CNTN4: variants seen among roughly 807,000 people sequenced by gnomAD.
CNTN4 encodes the protein contactin 4.
CNTN4 carries 77 observed loss-of-function variants against 122.5 expected under a neutral mutation model. The ratio of observed to expected loss-of-function variants is 0.63; its 90% CI spans 0.52 to 0.76. The LOEUF (loss-of-function observed/expected upper bound fraction) is 0.76, where lower values mean the gene tolerates loss of function less well. Among genes scored for constraint, CNTN4 ranks in the 30% least tolerant of loss-of-function variants. The pLI, the probability that CNTN4 is intolerant of heterozygous loss-of-function variation, is 0.00. For synonymous variants in CNTN4, 512 were observed against 447.0 expected, an observed-to-expected ratio of 1.15 and a Z score of -1.83; for missense variants, 1,256 against 1,259.1, an observed-to-expected ratio of 1.00 and a Z score of 0.04.
rs565574554 is a variant in CNTN4, at chr3:2,689,785, C to A, written c.56-46430C>A. Among the ~76,000 whole-genome samples the A allele has an allele frequency of 1.6e-3, 246 of 152,214 alleles. 1 individual carries two copies. Among genetic ancestry groups the A allele is most frequent in the Middle Eastern group, 6.8e-3 (2 of 294 alleles). On this transcript the variant is annotated intron_variant, in intron 4 of 24. Transcript: ENST00000418658. ...CCCACCTCCTCTCTCCTATACACCA[C>A]AATACGAATCCAGGGCTTCTGTAAG...
At chr3:2,474,732 G>A (rs1336597209) in intron 3 of CNTN4, among the ~76,000 whole-genome samples, 1 of 152,126 alleles carries the variant, frequency 6.6e-6, no homozygotes, top group African/African-American at 2.4e-5. Context: ...CAAATCAACT[G>A]TTTTCTTTTT....
intron 19 of CNTN4, 147 bp from the exon 20 acceptor site, chr3:3,039,890 C>T (rs1559821590): frequency 8.6e-6 from 6 of 699,370 alleles, no homozygotes; most frequent in African/African-American, 7.0e-5. Flanking sequence ...TGACTGCAAG[C>T]CCTAAATTTA....
intron 5 of CNTN4, among the ~76,000 whole-genome samples, chr3:2,742,797 C>G (rs1187424394): frequency 6.6e-6 from 1 of 152,144 alleles, no homozygotes. Flanking sequence ...ATTCCTCACA[C>G]ATTGAAAGTA....
chr3:2,515,531 A>G (rs140216804), intron 3 of CNTN4, among the ~76,000 whole-genome samples: 1 of 152,302 alleles, frequency 6.6e-6, no homozygotes, highest in African/African-American at 2.4e-5. Context: ...TAACAAATAG[A>G]TACCCGTCCA....
At chr3:2,571,072 A>G (rs1389753620) in intron 3 of CNTN4, among the ~76,000 whole-genome samples, 2 of 151,990 alleles carry the variant, frequency 1.3e-5, no homozygotes, top group Admixed American at 6.6e-5. Flanking sequence ...TTTTTTAACT[A>G]ATTGGAAAAT....
Position 2,640,975 on chromosome 3 carries a change from GA to G in CNTN4, c.55+69419del, listed in dbSNP as rs2082872988. On this transcript the variant is annotated intron_variant, in intron 4 of 24. Transcript: ENST00000418658. ...GGAAGAGAATAAGGATGATTAACAG[GA>G]AGAGAAAAAAATTGGAGGGAGGTCA... is the stretch of plus-strand genomic sequence containing the variant. 2.6e-5 allele frequency among the ~76,000 whole-genome samples: 4 copies of G among 152,102 alleles called. No homozygotes were observed. In the South Asian group the frequency reaches 6.2e-4, roughly 24 times the overall value.
At position 2,919,444 on chromosome 3, in the gene CNTN4, G is replaced by C. The variant is rs189237932; in HGVS notation, c.1208-6185G>C. ...GGTTCATTGATTAAATATCAACTTTGTATCAAGCACCGTGCCAGGCCCAAG... is the reference window on the plus strand; with the variant it reads ...GGTTCATTGATTAAATATCAACTTTCTATCAAGCACCGTGCCAGGCCCAAG... On this transcript the variant is annotated intron_variant, in intron 12 of 24. Transcript: ENST00000418658. Among the ~76,000 whole-genome samples, 3 of 150,692 alleles carry C rather than the reference G, an allele frequency of 2.0e-5. No individual in the cohort carries two copies. In the East Asian group the frequency reaches 5.9e-4, roughly 29 times the overall value.
intron 13 of CNTN4, among the ~76,000 whole-genome samples, chr3:2,983,190 G>C (rs1694206016): frequency 9.1e-6 from 1 of 110,108 alleles, no homozygotes; most frequent in Non-Finnish European, 1.7e-5. Context: ...CTCCAGCCTG[G>C]GTGACAGAGC....
chr3:2,185,152 C>T (rs1314489455), intron 2 of CNTN4, among the ~76,000 whole-genome samples: 1 of 152,154 alleles, frequency 6.6e-6, no homozygotes, highest in African/African-American at 2.4e-5. Context: ...TGGCATTCTG[C>T]AGGGCACCTT....
At chr3:2,747,193 A>G (rs1173882013) in intron 6 of CNTN4, among the ~76,000 whole-genome samples, 1 of 152,034 alleles carries the variant, frequency 6.6e-6, no homozygotes, top group South Asian at 2.1e-4. Context: ...GCGGATCACG[A>G]GGTCAGGAGA....
In CNTN4 at chr3:2,883,577, TGA is replaced by T. The variant is rs762548963; in HGVS notation, c.755+332_755+333del. ...TGACAGGAAAACAATGGCCTCCACT[TGA>T]GGTACAGTTAAGCTGACTATGTGGA... On this transcript the variant is annotated intron_variant, in intron 9 of 24. Transcript: ENST00000418658. 1.2e-3 allele frequency among the ~76,000 whole-genome samples: 181 copies of T among 152,336 alleles called. 2 individuals are homozygous for T. The highest frequency in any genetic ancestry group is 4.9e-3 in the Admixed American group (75 of 15,304).
At chr3:2,810,737 C>T (rs543283969) in intron 6 of CNTN4, among the ~76,000 whole-genome samples, 3 of 152,232 alleles carry the variant, frequency 2.0e-5, no homozygotes, top group Non-Finnish European at 4.4e-5. Flanking sequence ...AATTAATTCA[C>T]TCTTCACTGA....
intron 2 of CNTN4, chr3:2,110,711 C>T (rs749630104): frequency 3.4e-5 from 5 of 146,200 alleles, no homozygotes; most frequent in Non-Finnish European, 6.0e-5. Flanking sequence ...GTGAAGGGGC[C>T]TGTTTCTCCC....
At chr3:2,557,952 G>C (rs1250368073) in intron 3 of CNTN4, among the ~76,000 whole-genome samples, 2 of 151,926 alleles carry the variant, frequency 1.3e-5, no homozygotes, top group African/African-American at 2.4e-5. Flanking sequence ...TATGATCCTT[G>C]AACTTTTTCT....
At chr3:2,886,512 ACT>A (rs1491483106) in intron 9 of CNTN4, among the ~76,000 whole-genome samples, 8 of 122,246 alleles carry the variant, frequency 6.5e-5, no homozygotes, top group Non-Finnish European at 9.9e-5. Context: ...GAGATAGATC[ACT>A]TTTTTTTTTT....
At chr3:2,582,543 C>A (rs930678686) in intron 4 of CNTN4, among the ~76,000 whole-genome samples, 1 of 152,172 alleles carries the variant, frequency 6.6e-6, no homozygotes, top group Non-Finnish European at 1.5e-5. Flanking sequence ...TGTGCAACTT[C>A]TTTAATTAGA....
chr3:2,229,499 C>G (rs1205506368), intron 2 of CNTN4, among the ~76,000 whole-genome samples: 4 of 152,006 alleles, frequency 2.6e-5, no homozygotes, highest in Non-Finnish European at 5.9e-5. Flanking sequence ...TTATGCAGTG[C>G]TAAACATTAG....
At chr3:2,421,193 G>A (rs1287828277) in intron 3 of CNTN4, among the ~76,000 whole-genome samples, 1 of 151,642 alleles carries the variant, frequency 6.6e-6, no homozygotes, top group African/African-American at 2.4e-5. Context: ...ATGCCTTCTT[G>A]TGAGGCATTA....
chr3:2,876,182 G>A (rs2093842561), intron 8 of CNTN4, among the ~76,000 whole-genome samples: 1 of 152,178 alleles, frequency 6.6e-6, no homozygotes, highest in South Asian at 2.1e-4. Flanking sequence ...TCAGCAGTGG[G>A]GAGGTTCTTG....
Sources: gnomAD v4.1 joint callset for allele counts (sites outside exome capture counted in the v4.1 genomes callset) on GRCh38, gnomAD v4.1.1 for gene constraint, MANE v1.5 for transcripts, NCBI Gene and HGNC (gene_info 2026-07-23, HGNC 2026-07-21) for gene names.